Variants in USP25 observed in about 807,000 individuals in gnomAD.
The protein encoded by USP25 is ubiquitin specific peptidase 25.
Under a neutral mutation model 158.5 loss-of-function variants are expected in USP25, and 85 were observed. The ratio of observed to expected loss-of-function variants is 0.54; its 90% confidence interval spans 0.45 to 0.64. The LOEUF (loss-of-function observed/expected upper bound fraction) is 0.64, where lower values mean the gene tolerates loss of function less well. Ranked by LOEUF, USP25 falls within the 30% of genes least tolerant of loss-of-function variation. The pLI is 0.00. For missense variants in USP25, 1,242 were observed against 1,327.3 expected (o/e 0.94, Z 1.00); for synonymous variants, 464 against 460.4 (o/e 1.01, Z -0.10).
At position 15,842,316 on chromosome 21, in the gene USP25, A is replaced by T. The variant is rs549183694; in HGVS notation, c.2195-82A>T. Reference sequence around the variant, plus strand: ...AAAATTGGTTCTTACATAACTTCAGACATAGAAATGAATAAAAGATTTATC... The same window carrying T: ...AAAATTGGTTCTTACATAACTTCAGTCATAGAAATGAATAAAAGATTTATC... On this transcript the variant is annotated intron_variant, in intron 17 of 25. Transcript: ENST00000400183. 21 of 1,432,658 alleles carry T rather than the reference A, an allele frequency of 1.5e-5. No individual in the cohort carries two copies. In the South Asian group the frequency reaches 2.6e-4, roughly 18 times the overall value. The allele number at this position is 1,432,658 out of a possible 1,614,324, so 88.7% of individuals were successfully genotyped here.
chr21:15,748,912 G>T (rs1700269085), intron 1 of USP25, among the ~76,000 whole-genome samples: 2 of 152,020 alleles, frequency 1.3e-5, no homozygotes, highest in South Asian at 2.1e-4. Flanking sequence ...CAACTATACT[G>T]CATTTCTGAC....
At chr21:15,874,917 A>G (rs553416806) in intron 24 of USP25, among the ~76,000 whole-genome samples, 1 of 152,328 alleles carries the variant, frequency 6.6e-6, no homozygotes, top group African/African-American at 2.4e-5. Context: ...CTGTAATCCT[A>G]GCACTTTGGA....
At chr21:15,749,132 G>A (rs2032797724) in intron 1 of USP25, among the ~76,000 whole-genome samples, 1 of 152,052 alleles carries the variant, frequency 6.6e-6, no homozygotes, top group Admixed American at 6.6e-5. Flanking sequence ...TGAATAAGAG[G>A]TAACAATTAT....
At chr21:15,832,240 T>C (rs1163539718) in intron 16 of USP25, among the ~76,000 whole-genome samples, 13 of 152,228 alleles carry the variant, frequency 8.5e-5, no homozygotes, top group Admixed American at 8.5e-4. Context: ...GTATTGGAAC[T>C]GTGTGATGAC....
chr21:15,789,235 G>A (rs367911444), intron 4 of USP25, among the ~76,000 whole-genome samples: 3 of 152,150 alleles, frequency 2.0e-5, no homozygotes, highest in South Asian at 2.1e-4. Context: ...TTTTGGTAGA[G>A]CAGAAGACGG....
At chr21:15,829,922 T>A (rs2037715086) in intron 14 of USP25, among the ~76,000 whole-genome samples, 1 of 152,208 alleles carries the variant, frequency 6.6e-6, no homozygotes, top group Non-Finnish European at 1.5e-5. Context: ...TCTTCCTGAT[T>A]GGTTCAGCAG....
Position 15,824,149 on chromosome 21 carries a change from A to G in USP25, c.1191A>G (p.Gln397=), listed in dbSNP as rs753944112. 3.7e-6 allele frequency: 6 copies of G among 1,612,932 alleles called. No homozygotes were observed. The highest frequency in any genetic ancestry group is 3.3e-5 in the Admixed American group (2 of 59,992). Residue 397 remains glutamine (Q), a synonymous_variant, in exon 11 of 26, where the codon CAA becomes CAG. Transcript: ENST00000400183. ...EKIHNKLEFP[Q]VLYLDRYMHR... Reference sequence around the variant, plus strand: ...TTCACAACAAATTAGAATTTCCCCAAGTTTTATATTTGGACAGGTATGGTT... The same window carrying G: ...TTCACAACAAATTAGAATTTCCCCAGGTTTTATATTTGGACAGGTATGGTT...
chr21:15,791,454 G>T, intron 4 of USP25, 48 bp from the exon 5 acceptor site: 3 of 1,533,008 alleles, frequency 2.0e-6, no homozygotes, highest in Non-Finnish European at 2.6e-6. Context: ...ATATGCCTGG[G>T]ATATATACCA....
intron 10 of USP25, among the ~76,000 whole-genome samples, chr21:15,820,031 A>G (rs2037153250): frequency 6.6e-6 from 1 of 152,088 alleles, no homozygotes; most frequent in Admixed American, 6.6e-5. Flanking sequence ...GATGTGGTAT[A>G]TGGACACAAG....
intron 1 of USP25, among the ~76,000 whole-genome samples, chr21:15,735,366 A>G (rs2031386792): frequency 2.0e-5 from 3 of 152,232 alleles, no homozygotes; most frequent in African/African-American, 4.8e-5. Context: ...CTAACAATAC[A>G]GTATAACAAC....
At chr21:15,845,645 A>G (rs1442807479) in intron 18 of USP25, among the ~76,000 whole-genome samples, 1 of 152,132 alleles carries the variant, frequency 6.6e-6, no homozygotes, top group Non-Finnish European at 1.5e-5. Flanking sequence ...TTAATATTCT[A>G]AGTGATAACC....
chr21:15,830,435 A>G (rs62219144), intron 14 of USP25, 96 bp from the exon 15 acceptor site: 39,584 of 1,025,486 alleles, frequency 0.039, 964 homozygotes, highest in Middle Eastern at 0.056. Flanking sequence ...AAATTTTCCT[A>G]TTCCTCTAAC....
At chr21:15,851,126 A>C (rs1292177309) in intron 20 of USP25, among the ~76,000 whole-genome samples, 1 of 151,952 alleles carries the variant, frequency 6.6e-6, no homozygotes, top group African/African-American at 2.4e-5. Context: ...TAAAAAAAAA[A>C]CACTGAATAT....
Position 15,831,401 on chromosome 21 carries a change from G to A in USP25, c.1765G>A (p.Val589Ile). ...LMYSDKSMIQ[V>I]PYRLHAVLVH... Reference sequence around the variant, plus strand: ...TAACTCTTCTTTTTTTCACATTTAGGTTCCTTATCGATTACATGCCGTTTT... The same window carrying A: ...TAACTCTTCTTTTTTTCACATTTAGATTCCTTATCGATTACATGCCGTTTT... Residue 589 changes from valine to isoleucine, a missense_variant and splice_region_variant, in exon 16 of 26, where the codon GTT becomes ATT. Physicochemically the swap from Val to Ile is conservative, Grantham distance 29. Transcript: ENST00000400183. The A allele has an allele frequency of 6.2e-7, 1 of 1,613,552 alleles. No individual in the cohort carries two copies. Among genetic ancestry groups the A allele is most frequent in the African/African-American group, 1.3e-5 (1 of 74,936 alleles).
At chr21:15,842,607 G>A in intron 18 of USP25, 67 bp downstream of exon 18, 1 of 1,568,840 alleles carries the variant, frequency 6.4e-7, no homozygotes. Context: ...GTATAGTGGA[G>A]AGGGACCTGT....
intron 20 of USP25, among the ~76,000 whole-genome samples, chr21:15,855,585 A>C (rs1208119225): frequency 6.6e-6 from 1 of 152,246 alleles, no homozygotes; most frequent in Admixed American, 6.5e-5. Flanking sequence ...ACAGCGGTCC[A>C]ACATTTCCAT....
Position 15,849,828 on chromosome 21 carries a change from A to G in USP25, c.2503A>G (p.Arg835Gly), listed in dbSNP as rs1438191622. 1 of 1,545,158 alleles carries G rather than the reference A, an allele frequency of 6.5e-7. No homozygotes were observed. The highest frequency in any genetic ancestry group is 2.0e-5 in the Admixed American group (1 of 50,212). Reference sequence around the variant, plus strand: ...TATTATCATGGCGATAGGTAAATCCAGGAGTGTATATGACAGGTGTGGCCC... The same window carrying G: ...TATTATCATGGCGATAGGTAAATCCGGGAGTGTATATGACAGGTGTGGCCC... ...QGIIMAIGKS[R>G]SVYDRCGPEA... Residue 835 changes from arginine (R) to glycine (G), a missense_variant, in exon 20 of 26, where the codon AGG (arginine) becomes GGG (glycine). Around this residue, in one of 3 missense-constraint regions of USP25, gnomAD observed 608 missense variants for 605.2 expected, o/e 1.00. Coordinates refer to ENST00000400183, the MANE Select transcript of USP25 (RefSeq NM_001283041.3).
At chr21:15,770,638 G>A (rs538956340) in intron 3 of USP25, among the ~76,000 whole-genome samples, 1 of 152,084 alleles carries the variant, frequency 6.6e-6, no homozygotes, top group Non-Finnish European at 1.5e-5. Flanking sequence ...ATTTAAAGCT[G>A]AGCTGTTCAA....
chr21:15,787,900 T>TCAC (rs2035375390), intron 4 of USP25, among the ~76,000 whole-genome samples: 1 of 69,840 alleles, frequency 1.4e-5, no homozygotes, highest in Non-Finnish European at 2.9e-5. Context: ...TAACACCCCC[T>TCAC]CACCCCCCCC....
Sources: allele counts gnomAD v4.1 joint callset (sites outside exome capture counted in the v4.1 genomes callset), GRCh38; gene constraint gnomAD v4.1.1; regional missense constraint gnomAD v4.1.1; transcripts MANE v1.5; gene names NCBI Gene and HGNC (gene_info 2026-07-23, HGNC 2026-07-21).